The following SMARCA2 variants were observed in gnomAD, a reference collection of about 807,000 sequenced individuals.
SMARCA2 encodes the protein SWI/SNF-related matrix-associated actin-dependent regulator of chromatin subfamily A member 2.
A neutral mutation model predicts 199.8 loss-of-function variants in SMARCA2; 61 were observed. The observed-to-expected ratio is 0.31, with a 90% confidence interval of 0.25 to 0.38. SMARCA2 has a LOEUF of 0.38. Ranked by LOEUF, SMARCA2 falls within the 10% of genes least tolerant of loss-of-function variation. The probability of loss-of-function intolerance (pLI) is 1.00; values close to 1 mark genes in which losing one functional copy is unlikely to be tolerated. For synonymous variants in SMARCA2, 935 were observed against 732.0 expected (o/e 1.28, Z -4.48); for missense variants, 1,344 against 2,012.2 (o/e 0.67, Z 6.35).
At chr9:2,018,552 G>C (rs1278890391) in intron 1 of SMARCA2, among the ~76,000 whole-genome samples, 1 of 152,152 alleles carries the variant, frequency 6.6e-6, no homozygotes, top group Non-Finnish European at 1.5e-5. Context: ...TGCACTGAGC[G>C]GTTATTTTTA....
rs183473655 is a variant in SMARCA2, at chr9:2,096,943, G to A, written c.2991+179G>A. Among the ~76,000 whole-genome samples, 311 of 152,272 alleles carry A rather than the reference G, an allele frequency of 2.0e-3. 1 individual carries two copies. The highest frequency in any genetic ancestry group is 7.1e-3 in the African/African-American group (297 of 41,546). ...CTCTTCACCTCTTAGCTGCATTGGG[G>A]CAGGAAGAAAGAAGGAATATGTTCA... On this transcript the variant is annotated intron_variant, in intron 20 of 33. Transcript: ENST00000349721.
At chr9:2,070,530 GC>G in intron 10 of SMARCA2, 59 bp downstream of exon 10, 1 of 1,279,850 alleles carries the variant, frequency 7.8e-7, no homozygotes, top group Non-Finnish European at 1.1e-6. Flanking sequence ...GCCATACCTG[GC>G]AGCACCATTC....
At chr9:2,184,089 C>T (rs137898420) in intron 31 of SMARCA2, among the ~76,000 whole-genome samples, 1 of 152,154 alleles carries the variant, frequency 6.6e-6, no homozygotes, top group Non-Finnish European at 1.5e-5. Flanking sequence ...TGAGGTTCCC[C>T]TGCACTGTCT....
intron 27 of SMARCA2, among the ~76,000 whole-genome samples, chr9:2,152,817 A>G (rs181619404): frequency 0.014 from 2,153 of 152,222 alleles, 61 homozygotes; most frequent in African/African-American, 0.05. Context: ...ACGCCACTGC[A>G]CTCCAGCCTG....
At chr9:2,182,024 C>G in intron 30 of SMARCA2, 117 bp from the exon 31 acceptor site, 2 of 776,192 alleles carry the variant, frequency 2.6e-6, no homozygotes, top group Non-Finnish European at 2.3e-6. Context: ...TCCCAGATCC[C>G]TGGCAGGGCT....
At chr9:2,173,309 T>C (rs573564988) in intron 29 of SMARCA2, among the ~76,000 whole-genome samples, 1 of 152,320 alleles carries the variant, frequency 6.6e-6, no homozygotes, top group African/African-American at 2.4e-5. Context: ...GTTGTTAGTA[T>C]TGACTGCTCT....
intron 32 of SMARCA2, 124 bp from the exon 33 acceptor site, chr9:2,191,142 C>T (rs1827850105): frequency 1.1e-6 from 1 of 913,102 alleles, no homozygotes; most frequent in East Asian, 2.4e-5. Context: ...CAGGCATAAA[C>T]CGGGAATGTT....
rs374193961 is a variant in SMARCA2 at position 2,081,788 on chromosome 9, C to G, written c.2185-44C>G. On this transcript the variant is annotated intron_variant, in intron 14 of 33. Coordinates refer to ENST00000349721, the MANE Select transcript of SMARCA2 (RefSeq NM_003070.5). ...CTTGGGTTGTATTAGGATTAATTACCTGTGCAGATCTTGGATAATTGAAGC... is the reference window on the plus strand; with the variant it reads ...CTTGGGTTGTATTAGGATTAATTACGTGTGCAGATCTTGGATAATTGAAGC... 325 of 1,578,030 alleles carry G rather than the reference C, an allele frequency of 2.1e-4. No homozygotes were observed. In the African/African-American group the frequency reaches 3.4e-3, roughly 17 times the overall value.
chr9:2,183,830 G>T (rs1827230695), intron 31 of SMARCA2, among the ~76,000 whole-genome samples: 1 of 152,204 alleles, frequency 6.6e-6, no homozygotes, highest in Non-Finnish European at 1.5e-5. Flanking sequence ...TTTTGTGAAT[G>T]ACAGACAGTT....
chr9:2,192,660 G>C lies in SMARCA2; in HGVS notation c.4738-44G>C, dbSNP rs760369227. On this transcript the variant is annotated intron_variant, in intron 33 of 33. Coordinates refer to ENST00000349721, the MANE Select transcript of SMARCA2 (RefSeq NM_003070.5). ...TTTGTTGTTATATCTTCTTTTTCTT[G>C]CATGTGATGTTACTTCATTTTATCT... 12 of 1,343,602 alleles carry C rather than the reference G, an allele frequency of 8.9e-6. No homozygotes were observed. The East Asian group carries it at 9.2e-5, about 10-fold the overall frequency. 83.2% of individuals were successfully genotyped at this position (1,343,602 alleles called of 1,614,324 possible). A position where few individuals can be genotyped will look rare whatever the true frequency, so the allele number is the denominator to read the frequency against.
chr9:2,117,008 A>G (rs1460883277), intron 25 of SMARCA2, among the ~76,000 whole-genome samples: 1 of 152,194 alleles, frequency 6.6e-6, no homozygotes, highest in African/African-American at 2.4e-5. Flanking sequence ...TAAAAGTCTT[A>G]TAAACAAATA....
intron 4 of SMARCA2, chr9:2,041,068 G>A (rs1241828584): frequency 6.6e-6 from 2 of 303,638 alleles, no homozygotes; most frequent in Non-Finnish European, 1.2e-5. Flanking sequence ...AGCTAGTTTG[G>A]GATATTGGTA....
At chr9:2,083,190 C>T (rs1821644050) in intron 15 of SMARCA2, among the ~76,000 whole-genome samples, 157 bp from the exon 16 acceptor site, 1 of 152,076 alleles carries the variant, frequency 6.6e-6, no homozygotes, top group Admixed American at 6.5e-5. Flanking sequence ...GAACTTATCT[C>T]CTATTTCCAC....
At chr9:2,176,552 T>C (rs975755197) in intron 29 of SMARCA2, among the ~76,000 whole-genome samples, 2 of 151,992 alleles carry the variant, frequency 1.3e-5, no homozygotes, top group Non-Finnish European at 2.9e-5. Flanking sequence ...ATTAGGGTGA[T>C]TTTTTTGGTG....
intron 8 of SMARCA2, 103 bp from the exon 9 acceptor site, chr9:2,060,713 C>G: frequency 9.2e-7 from 1 of 1,090,046 alleles, no homozygotes; most frequent in Non-Finnish European, 1.3e-6. Context: ...TTGCTACACT[C>G]CTACCAGTCA....
At chr9:2,153,295 G>C (rs1050390450) in intron 27 of SMARCA2, among the ~76,000 whole-genome samples, 5 of 152,194 alleles carry the variant, frequency 3.3e-5, no homozygotes, top group African/African-American at 1.2e-4. Flanking sequence ...CCAACACTTT[G>C]GGAGGCCAAA....
chr9:2,017,236 G>C lies in SMARCA2; in HGVS notation c.-37+1832G>C, dbSNP rs80319468. ...AGCGCGGGGCTGGCTGGGCTGCTTGGGGGGTGGGGTGGAGGGAAGTTGGAC... is the reference window on the plus strand; with the variant it reads ...AGCGCGGGGCTGGCTGGGCTGCTTGCGGGGTGGGGTGGAGGGAAGTTGGAC... On this transcript the variant is annotated intron_variant, in intron 1 of 33. Coordinates refer to ENST00000349721, the MANE Select transcript of SMARCA2 (RefSeq NM_003070.5). The surrounding 1 kb of genome is among the most constrained non-coding windows in gnomAD (Gnocchi z 8.8). 0.038 allele frequency: 5,862 copies of C among 152,308 alleles called. 162 individuals carry two copies. The highest frequency in any genetic ancestry group is 0.058 in the Non-Finnish European group (3,976 of 68,096). 9.4% of individuals were successfully genotyped at this position (152,308 alleles called of 1,614,324 possible). A position where few individuals can be genotyped will look rare whatever the true frequency, so the allele number is the denominator to read the frequency against.
At position 2,086,365 on chromosome 9, in the gene SMARCA2, G is replaced by A. The variant is rs577577135; in HGVS notation, c.2527-464G>A. On this transcript the variant is annotated intron_variant, in intron 17 of 33. Transcript: ENST00000349721. The surrounding 1 kb of genome is among the most constrained non-coding windows in gnomAD (Gnocchi z 4.3). Reference sequence around the variant, plus strand: ...GCATGGAGCCAAGAATATCTCAGCTGTAGAACCTGCTAGGGCCATCTTGGA... The same window carrying A: ...GCATGGAGCCAAGAATATCTCAGCTATAGAACCTGCTAGGGCCATCTTGGA... Among the ~76,000 whole-genome samples, 1 of 152,360 alleles carries A rather than the reference G, an allele frequency of 6.6e-6. No homozygotes were observed. Among genetic ancestry groups the A allele is most frequent in the African/African-American group, 2.4e-5 (1 of 41,588 alleles).
In SMARCA2 at chr9:2,047,325, A is replaced by C. The variant is rs753868549; in HGVS notation, c.887A>C (p.Gln296Pro). 2.9e-5 allele frequency: 32 copies of C among 1,086,984 alleles called. No homozygotes were observed. The South Asian group carries it at 9.9e-4, about 34-fold the overall frequency. The allele number at this position is 1,086,984 out of a possible 1,614,324, so 67.3% of individuals were successfully genotyped here. The change falls in exon 5 of 34, where the codon CAG (glutamine) becomes CCG (proline). Residue 296 changes from glutamine (Q) to proline (P), a missense_variant. This residue lies in a region of SMARCA2 where 117 missense variants were observed against 99.1 expected (regional missense o/e 1.18). Transcript: ENST00000349721. ...RPSPAPPAAA[Q>P]PPAAAVPGPS... ...TCGCCCGCGCCCCCCGCAGCCGCGC[A>C]GCCGCCCGCGGCCGCAGTGCCCGGG...
Sources: allele counts gnomAD v4.1 joint callset (sites outside exome capture counted in the v4.1 genomes callset), GRCh38; gene constraint gnomAD v4.1.1; regional missense constraint gnomAD v4.1.1; non-coding constraint Gnocchi (gnomAD v3.1); transcripts MANE v1.5; gene names NCBI Gene and HGNC (gene_info 2026-07-23, HGNC 2026-07-21).